TCEANC2: variants seen among roughly 807,000 people sequenced by gnomAD.
The protein encoded by TCEANC2 is transcription elongation factor A N-terminal and central domain containing 2, also known as transcription elongation factor A N-terminal and central domain-containing protein 2.
In TCEANC2, 20 loss-of-function variants were observed where a neutral mutation model predicts 22.8. The ratio of observed to expected loss-of-function variants is 0.88; its 90% confidence interval spans 0.62 to 1.28. The LOEUF (loss-of-function observed/expected upper bound fraction) is 1.28, where lower values mean the gene tolerates loss of function less well. Ranked by LOEUF, TCEANC2 falls within the 50% of genes most tolerant of loss-of-function variation. The pLI is 0.00. For synonymous variants in TCEANC2, 84 were observed against 95.5 expected (o/e 0.88, Z 0.70); for missense variants, 251 against 249.7 (o/e 1.01, Z -0.03).
At chr1:54,086,408 T>C (rs768437737) in intron 3 of TCEANC2, among the ~76,000 whole-genome samples, 10 of 152,198 alleles carry the variant, frequency 6.6e-5, no homozygotes, top group Admixed American at 1.3e-4. Context: ...ACTAGAGATA[T>C]TAAGGAAGAA....
intron 2 of TCEANC2, among the ~76,000 whole-genome samples, chr1:54,057,839 A>G (rs1463033268): frequency 3.3e-5 from 5 of 152,104 alleles, no homozygotes; most frequent in Non-Finnish European, 5.9e-5. Flanking sequence ...GCCTCATCCA[A>G]TGTCAACCAT....
At chr1:54,056,259 T>A (rs931420104) in intron 2 of TCEANC2, among the ~76,000 whole-genome samples, 1 of 152,188 alleles carries the variant, frequency 6.6e-6, no homozygotes, top group African/African-American at 2.4e-5. Context: ...ATAGTTGAAC[T>A]ACATATACAC....
At position 54,099,079 on chromosome 1, in the gene TCEANC2, CTT is replaced by C. The variant is rs1658609022; in HGVS notation, c.*2609_*2610del. 6.6e-6 allele frequency: 1 copy of C among 152,170 alleles called. No individual in the cohort carries two copies. Among genetic ancestry groups the C allele is most frequent in the African/African-American group, 2.4e-5 (1 of 41,406 alleles). The allele number at this position is 152,170 out of a possible 1,614,324, so 9.4% of individuals were successfully genotyped here. A position where few individuals can be genotyped will look rare whatever the true frequency, so the allele number is the denominator to read the frequency against. ...ACTGATTTGAAGCAGGAACTGGTCA[CTT>C]TTGTGTTAATAGGCTATGTGGAAGA... On this transcript the variant is annotated 3_prime_UTR_variant, in exon 5 of 5. Coordinates refer to ENST00000234827, the MANE Select transcript of TCEANC2 (RefSeq NM_153035.3).
At chr1:54,065,857 T>C (rs1657945033) in intron 2 of TCEANC2, among the ~76,000 whole-genome samples, 1 of 151,938 alleles carries the variant, frequency 6.6e-6, no homozygotes, top group African/African-American at 2.4e-5. Context: ...GGTGAGGGGA[T>C]CAGTTGAGGC....
In TCEANC2 at chr1:54,105,899, A is replaced by T. The variant is rs899457684; in HGVS notation, c.*9426A>T. ...CTCCCAAAGTGCTGGGATTATAGAC[A>T]TGAATCACCACACCCGGCCAGCAAA... On this transcript the variant is annotated 3_prime_UTR_variant, in exon 5 of 5. Coordinates refer to ENST00000234827, the MANE Select transcript of TCEANC2 (RefSeq NM_153035.3). The T allele has an allele frequency of 6.6e-6, 1 of 152,170 alleles. No homozygotes were observed. The highest frequency in any genetic ancestry group is 1.5e-5 in the Non-Finnish European group (1 of 68,026). The allele number at this position is 152,170 out of a possible 1,614,324, so 9.4% of individuals were successfully genotyped here. A position where few individuals can be genotyped will look rare whatever the true frequency, so the allele number is the denominator to read the frequency against.
intron 2 of TCEANC2, among the ~76,000 whole-genome samples, 188 bp downstream of exon 2, chr1:54,054,712 CT>C (rs1657712976): frequency 6.6e-6 from 1 of 152,212 alleles, no homozygotes; most frequent in East Asian, 1.9e-4. Context: ...CTGCACACCC[CT>C]GCTACACCCT....
At chr1:54,095,918 A>G (rs1426389570) in intron 4 of TCEANC2, among the ~76,000 whole-genome samples, 2 of 152,232 alleles carry the variant, frequency 1.3e-5, no homozygotes, top group Non-Finnish European at 2.9e-5. Context: ...GTAAGGAGTT[A>G]AAAGGCAGTC....
intron 3 of TCEANC2, among the ~76,000 whole-genome samples, chr1:54,084,363 A>G (rs558304151): frequency 6.6e-6 from 1 of 152,176 alleles, no homozygotes; most frequent in Non-Finnish European, 1.5e-5. Context: ...ATGGACTATA[A>G]TTTATTTAAA....
rs1188973102 is a variant in TCEANC2 at position 54,100,915 on chromosome 1, A to G, written c.*4442A>G. On this transcript the variant is annotated 3_prime_UTR_variant, in exon 5 of 5. Transcript: ENST00000234827. ...TTAAACATTCAAAAGAAACCCAACA[A>G]TTTAAGGCAAAGGAAAGAAACACTT... The G allele has an allele frequency of 6.6e-6, 1 of 152,192 alleles. No homozygotes were observed. The highest frequency in any genetic ancestry group is 6.5e-5 in the Admixed American group (1 of 15,272). The allele number at this position is 152,192 out of a possible 1,614,324, so 9.4% of individuals were successfully genotyped here. A position where few individuals can be genotyped will look rare whatever the true frequency, so the allele number is the denominator to read the frequency against.
chr1:54,075,106 TC>T (rs1163376958), intron 3 of TCEANC2, among the ~76,000 whole-genome samples: 1 of 152,232 alleles, frequency 6.6e-6, no homozygotes, highest in African/African-American at 2.4e-5. Context: ...GAATCTATAT[TC>T]ATTCATTCAT....
chr1:54,071,888 C>T lies in TCEANC2; in HGVS notation c.244+2991C>T, dbSNP rs562701377. 9.9e-5 allele frequency among the ~76,000 whole-genome samples: 15 copies of T among 151,860 alleles called. No individual in the cohort carries two copies. In the South Asian group the frequency reaches 1.9e-3, roughly 19 times the overall value. ...GTGCAGTGGCACAATCACAGCTCACCGCAGCCTTGACCTCCCGGGCTCAAG... is the reference window on the plus strand; with the variant it reads ...GTGCAGTGGCACAATCACAGCTCACTGCAGCCTTGACCTCCCGGGCTCAAG... On this transcript the variant is annotated intron_variant, in intron 3 of 4. Coordinates refer to ENST00000234827, the MANE Select transcript of TCEANC2 (RefSeq NM_153035.3).
In TCEANC2 at chr1:54,098,111, A is replaced by T. The variant is rs1658593619; in HGVS notation, c.*1638A>T. 6.6e-6 allele frequency: 1 copy of T among 152,194 alleles called. No homozygotes were observed. Among genetic ancestry groups the T allele is most frequent in the African/African-American group, 2.4e-5 (1 of 41,438 alleles). 9.4% of individuals were successfully genotyped at this position (152,194 alleles called of 1,614,324 possible). ...ACATGCTGATGACATTCCAGTTTGT[A>T]TCGTCAGCCCAGACCTGTCCCCTGA... On this transcript the variant is annotated 3_prime_UTR_variant, in exon 5 of 5. Transcript: ENST00000234827.
At chr1:54,065,965 G>A (rs771149378) in intron 2 of TCEANC2, among the ~76,000 whole-genome samples, 1 of 151,732 alleles carries the variant, frequency 6.6e-6, no homozygotes, top group Admixed American at 6.6e-5. Context: ...CCAGCTACTC[G>A]GGAAGCTGAA....
chr1:54,092,711 T>C (rs1658470567), intron 4 of TCEANC2, among the ~76,000 whole-genome samples: 1 of 152,174 alleles, frequency 6.6e-6, no homozygotes, highest in Admixed American at 6.5e-5. Flanking sequence ...AGTTCCGCAC[T>C]TAAGGTAAAC....
intron 2 of TCEANC2, among the ~76,000 whole-genome samples, chr1:54,059,008 A>G (rs1189087767): frequency 6.6e-6 from 1 of 152,042 alleles, no homozygotes; most frequent in Non-Finnish European, 1.5e-5. Context: ...GGCTTCCTTG[A>G]ACTTGATGCT....
In TCEANC2 at chr1:54,088,607, G is replaced by T; in HGVS notation, c.255G>T (p.Val85=). Residue 85 remains valine (V), a synonymous_variant, in exon 4 of 5, where the codon GTG becomes GTT. Coordinates refer to ENST00000234827, the MANE Select transcript of TCEANC2 (RefSeq NM_153035.3). The part of the protein sequence containing the change: ...VLKSTRIGHT[V]NKMRKHSDSE... Reference sequence around the variant, plus strand: ...CTCTTCCTGTTCCAGGTCACACTGTGAACAAGATGCGTAAACACTCAGATT... The same window carrying T: ...CTCTTCCTGTTCCAGGTCACACTGTTAACAAGATGCGTAAACACTCAGATT... 6.2e-7 allele frequency: 1 copy of T among 1,601,254 alleles called. No homozygotes were observed. The highest frequency in any genetic ancestry group is 1.1e-5 in the South Asian group (1 of 88,434).
intron 3 of TCEANC2, among the ~76,000 whole-genome samples, chr1:54,087,490 C>A (rs908048339): frequency 3.9e-5 from 6 of 152,192 alleles, no homozygotes; most frequent in Non-Finnish European, 4.4e-5. Context: ...ACTCTACATA[C>A]TTCAGTATGC....
In TCEANC2 at chr1:54,098,092, T is replaced by C. The variant is rs540173463; in HGVS notation, c.*1619T>C. On this transcript the variant is annotated 3_prime_UTR_variant, in exon 5 of 5. Coordinates refer to ENST00000234827, the MANE Select transcript of TCEANC2 (RefSeq NM_153035.3). Reference sequence around the variant, plus strand: ...ATGTTTTCAAGCATCATTTACATGCTGATGACATTCCAGTTTGTATCGTCA... The same window carrying C: ...ATGTTTTCAAGCATCATTTACATGCCGATGACATTCCAGTTTGTATCGTCA... 2 of 152,352 alleles carry C rather than the reference T, an allele frequency of 1.3e-5. No homozygotes were observed. Among genetic ancestry groups the C allele is most frequent in the South Asian group, 4.1e-4 (2 of 4,824 alleles). 9.4% of individuals were successfully genotyped at this position (152,352 alleles called of 1,614,324 possible).
chr1:54,055,243 G>A (rs988293147), intron 2 of TCEANC2, among the ~76,000 whole-genome samples: 1 of 152,142 alleles, frequency 6.6e-6, no homozygotes, highest in Non-Finnish European at 1.5e-5. Context: ...TGAGATTACA[G>A]GCATGAGCCA....
Sources: gnomAD v4.1 joint callset for allele counts (sites outside exome capture counted in the v4.1 genomes callset) on GRCh38, gnomAD v4.1.1 for gene constraint, MANE v1.5 for transcripts, NCBI Gene and HGNC (gene_info 2026-07-23, HGNC 2026-07-21) for gene names.